MTMR1: variants seen among roughly 807,000 people sequenced by gnomAD.
MTMR1 encodes phosphatidylinositol-3-phosphate phosphatase MTMR1.
A neutral mutation model predicts 51.6 loss-of-function variants in MTMR1; 17 were observed. The ratio of observed to expected loss-of-function variants is 0.33; its 90% CI spans 0.23 to 0.49. MTMR1 has a LOEUF of 0.49. MTMR1 is among the 20% of genes least tolerant of loss of function. MTMR1 has a pLI of 0.99. For missense variants in MTMR1, 386 were observed against 526.9 expected (o/e 0.73, Z 2.62); for synonymous variants, 201 against 205.6 (o/e 0.98, Z 0.19).
chrX:150,705,906 C>T lies in MTMR1; in HGVS notation c.253-6436C>T, dbSNP rs1177947548. 2.7e-5 allele frequency among the ~76,000 whole-genome samples: 3 copies of T among 111,957 alleles called. No homozygotes were observed. In the Admixed American group the frequency reaches 2.8e-4, roughly 11 times the overall value. ...CTATGTACTAGCAACACGTGGGGAC[C>T]AAAATTAAAAACACAGTGCCATTGA... On this transcript the variant is annotated intron_variant, in intron 2 of 15. Coordinates refer to ENST00000445323, the MANE Select transcript of MTMR1 (RefSeq NM_001306144.3).
At chrX:150,738,974 G>C (rs2042352874) in intron 12 of MTMR1, among the ~76,000 whole-genome samples, 2 of 112,335 alleles carry the variant, frequency 1.8e-5, no homozygotes, top group Non-Finnish European at 3.8e-5. Flanking sequence ...AGGCCATTGA[G>C]CTGTTAGGGA....
intron 13 of MTMR1, among the ~76,000 whole-genome samples, chrX:150,744,705 C>T (rs1187653921): frequency 3.6e-5 from 4 of 112,244 alleles, no homozygotes; most frequent in African/African-American, 1.3e-4. Context: ...CAAGGCCCTA[C>T]TCCTCTATAG....
At chrX:150,713,781 G>T (rs1431166353) in intron 3 of MTMR1, among the ~76,000 whole-genome samples, 2 of 111,840 alleles carry the variant, frequency 1.8e-5, no homozygotes, top group South Asian at 3.7e-4. Context: ...AATTAAAGAT[G>T]TGTGGCCTTT....
intron 4 of MTMR1, among the ~76,000 whole-genome samples, chrX:150,723,512 A>T (rs2041823258): frequency 9.1e-6 from 1 of 109,977 alleles, no homozygotes; most frequent in South Asian, 3.9e-4. Flanking sequence ...CCTCTCCAGC[A>T]CCTGTTGTTT....
At position 150,764,455 on chromosome X, in the gene MTMR1, G is replaced by A. The variant is rs782485189; in HGVS notation, c.*1726G>A. On this transcript the variant is annotated 3_prime_UTR_variant, in exon 16 of 16. Coordinates refer to ENST00000445323, the MANE Select transcript of MTMR1 (RefSeq NM_001306144.3). The stretch of plus-strand genomic sequence containing the variant: ...AAGCTTATTTATGAATGGATATACT[G>A]GATTATTGATATACTGATTTTTTTT... The A allele has an allele frequency of 9.0e-6, 1 of 111,614 alleles. No homozygotes were observed. The highest frequency in any genetic ancestry group is 3.3e-5 in the African/African-American group (1 of 30,690). The allele number at this position is 111,614 out of a possible 1,213,427, so 9.2% of individuals were successfully genotyped here.
intron 3 of MTMR1, among the ~76,000 whole-genome samples, chrX:150,715,991 A>G (rs2041500247): frequency 8.9e-6 from 1 of 112,528 alleles, no homozygotes; most frequent in African/African-American, 3.2e-5. Flanking sequence ...TATATGCAAC[A>G]TTTTATTAGC....
At chrX:150,693,732 C>G (rs1169911799) in intron 1 of MTMR1, 56 bp downstream of exon 1, 26 of 717,922 alleles carry the variant, frequency 3.6e-5, no homozygotes, top group Admixed American at 8.8e-5. Context: ...GAGGGCCCCG[C>G]GCGAGGCCAG....
chrX:150,729,218 C>CCACACACA (rs57306023), intron 6 of MTMR1, among the ~76,000 whole-genome samples: 9 of 100,107 alleles, frequency 9.0e-5, no homozygotes, highest in African/African-American at 3.3e-4. Context: ...ACACACCCAC[C>CCACACACA]CACACACACA....
rs148151632 is a variant in MTMR1 at position 150,754,666 on chromosome X, C to T, written c.1681-1023C>T. Among the ~76,000 whole-genome samples, 892 of 111,940 alleles carry T rather than the reference C, an allele frequency of 8.0e-3. 14 individuals carry two copies. The highest frequency in any genetic ancestry group is 0.028 in the African/African-American group (852 of 30,727). On this transcript the variant is annotated intron_variant, in intron 14 of 15. Transcript: ENST00000445323. ...AGCCTGCACCACAGCACATTGTCCT[C>T]CAGATAGCTATGATTTTCCAGCACA...
Position 150,710,790 on chromosome X carries a change from A to T in MTMR1, c.253-1552A>T, listed in dbSNP as rs782304002. Among the ~76,000 whole-genome samples, 8 of 112,807 alleles carry T rather than the reference A, an allele frequency of 7.1e-5. No homozygotes were observed. The South Asian group carries it at 2.5e-3, about 36-fold the overall frequency. On this transcript the variant is annotated intron_variant, in intron 2 of 15. Transcript: ENST00000445323. ...AGCAGCTGCTGAAGGAAAACAAAAG[A>T]ACTCAAAATTAGCATTTCAATCAGC...
chrX:150,706,252 C>T (rs1415251578), intron 2 of MTMR1, among the ~76,000 whole-genome samples: 2 of 111,520 alleles, frequency 1.8e-5, no homozygotes, highest in Non-Finnish European at 3.8e-5. Flanking sequence ...AAGGCCTTAC[C>T]TTCAGGCAAC....
At chrX:150,708,695 G>A (rs1557416131) in intron 2 of MTMR1, among the ~76,000 whole-genome samples, 1 of 111,236 alleles carries the variant, frequency 9.0e-6, no homozygotes, top group African/African-American at 3.3e-5. Flanking sequence ...TGTGGGGCAT[G>A]TGAAAATAGT....
intron 10 of MTMR1, among the ~76,000 whole-genome samples, chrX:150,734,764 A>G: frequency 8.9e-6 from 1 of 112,522 alleles, no homozygotes; most frequent in East Asian, 2.8e-4. Context: ...GCAAGTCGAG[A>G]TAATGTGACT....
chrX:150,744,034 G>A lies in MTMR1; in HGVS notation c.1474-327G>A, dbSNP rs1249858535. Among the ~76,000 whole-genome samples the A allele has an allele frequency of 3.6e-5, 4 of 112,614 alleles. No individual in the cohort carries two copies. The East Asian group carries it at 8.2e-4, about 23-fold the overall frequency. On this transcript the variant is annotated intron_variant, in intron 12 of 15. Coordinates refer to ENST00000445323, the MANE Select transcript of MTMR1 (RefSeq NM_001306144.3). Reference sequence around the variant, plus strand: ...TATGAACTGCTAATTGGCATCCTACGTTGACACTGTACACTTAGTGTGGTG... The same window carrying A: ...TATGAACTGCTAATTGGCATCCTACATTGACACTGTACACTTAGTGTGGTG...
chrX:150,712,705 G>C, intron 3 of MTMR1: 2 of 220,152 alleles, frequency 9.1e-6, no homozygotes, highest in Non-Finnish European at 8.4e-6. Flanking sequence ...TTTTAATCTT[G>C]TTTATTGTGT....
intron 15 of MTMR1, among the ~76,000 whole-genome samples, chrX:150,758,181 C>T (rs1333251858): frequency 1.8e-5 from 2 of 111,675 alleles, no homozygotes; most frequent in Non-Finnish European, 3.8e-5. Flanking sequence ...CCTGTGGTGG[C>T]TCTTGCCCCT....
At chrX:150,716,950 C>T (rs1412179425) in intron 3 of MTMR1, among the ~76,000 whole-genome samples, 5 of 111,871 alleles carry the variant, frequency 4.5e-5, no homozygotes, top group Admixed American at 9.5e-5. Context: ...TAGTGGCCTC[C>T]GATGTTAACA....
rs782778624 is a variant in MTMR1 at position 150,747,540 on chromosome X, A to T, written c.1566+3087A>T. ...GAAATCGTACTTTTAGGTAAAAGGT[A>T]CAGTTTCCAGGAGAAGAGGCCAAAA... On this transcript the variant is annotated intron_variant, in intron 13 of 15. Transcript: ENST00000445323. Among the ~76,000 whole-genome samples the T allele has an allele frequency of 2.7e-5, 3 of 112,227 alleles. No individual in the cohort carries two copies. In the East Asian group the frequency reaches 8.4e-4, roughly 31 times the overall value.
chrX:150,750,182 A>G (rs782440386), intron 13 of MTMR1, among the ~76,000 whole-genome samples: 2 of 111,695 alleles, frequency 1.8e-5, no homozygotes, highest in Non-Finnish European at 3.8e-5. Context: ...GAAGGTTCTT[A>G]ACTAGGAGTT....
Sources: allele counts gnomAD v4.1 joint callset (sites outside exome capture counted in the v4.1 genomes callset), GRCh38; gene constraint gnomAD v4.1.1; transcripts MANE v1.5; gene names NCBI Gene and HGNC (gene_info 2026-07-23, HGNC 2026-07-21).